Variants in RAB27B observed in about 807,000 individuals in gnomAD.
RAB27B encodes ras-related protein Rab-27B.
Under a neutral mutation model 24.6 loss-of-function variants are expected in RAB27B, and 15 were observed. The observed-to-expected ratio is 0.61, with a 90% CI of 0.41 to 0.94. The LOEUF (loss-of-function observed/expected upper bound fraction) is 0.94, where lower values mean the gene tolerates loss of function less well. Ranked by LOEUF, RAB27B falls within the 40% of genes least tolerant of loss-of-function variation. The pLI, the probability that RAB27B is intolerant of heterozygous loss-of-function variation, is 0.00. For synonymous variants in RAB27B, 105 were observed against 92.5 expected (o/e 1.14, Z -0.78); for missense variants, 261 against 266.8 (o/e 0.98, Z 0.15).
At chr18:54,877,402 G>A (rs770567317) in intron 1 of RAB27B, among the ~76,000 whole-genome samples, 165 bp from the exon 2 acceptor site, 1 of 152,146 alleles carries the variant, frequency 6.6e-6, no homozygotes, top group East Asian at 1.9e-4. Flanking sequence ...AACATTAGAT[G>A]TGCCTTCACC....
intron 1 of RAB27B, among the ~76,000 whole-genome samples, chr18:54,833,234 C>CTTTTTTTTTTT (rs559070445): frequency 4.6e-5 from 6 of 129,518 alleles, no homozygotes; most frequent in Admixed American, 1.7e-4. Flanking sequence ...TTCTTTCTTT[C>CTTTTTTTTTTT]TTTTTTTTTT....
chr18:54,749,169 C>T (rs2145028205), intron 2 of RAB27B, among the ~76,000 whole-genome samples: 1 of 152,204 alleles, frequency 6.6e-6, no homozygotes, highest in African/African-American at 2.4e-5. Context: ...GGCCTTAAGA[C>T]AATCGCATTT....
intron 1 of RAB27B, among the ~76,000 whole-genome samples, chr18:54,863,181 A>G (rs1267291469): frequency 2.0e-5 from 3 of 152,198 alleles, no homozygotes; most frequent in Non-Finnish European, 4.4e-5. Flanking sequence ...TTAAGTATAT[A>G]TGTGATTAAA....
intron 2 of RAB27B, among the ~76,000 whole-genome samples, chr18:54,753,983 T>C (rs1907919513): frequency 6.6e-6 from 1 of 152,232 alleles, no homozygotes; most frequent in African/African-American, 2.4e-5. Context: ...GTTTACAGAA[T>C]GAGGGTTGAA....
intron 2 of RAB27B, among the ~76,000 whole-genome samples, chr18:54,771,947 T>C (rs1908565275): frequency 6.6e-6 from 1 of 152,150 alleles, no homozygotes; most frequent in Admixed American, 6.5e-5. Flanking sequence ...AAATATATCA[T>C]CTCTATTACT....
At chr18:54,810,833 A>AAAGT (rs377467335) in intron 2 of RAB27B, among the ~76,000 whole-genome samples, 3 of 140,182 alleles carry the variant, frequency 2.1e-5, no homozygotes, top group African/African-American at 8.1e-5. Context: ...ACCCTGTCTC[A>AAAGT]AAATAAATAA....
intron 2 of RAB27B, among the ~76,000 whole-genome samples, chr18:54,792,956 C>A (rs1909299399): frequency 6.6e-6 from 1 of 152,144 alleles, no homozygotes; most frequent in South Asian, 2.1e-4. Flanking sequence ...TCTGGCAGAG[C>A]TGGAGTATAG....
intron 1 of RAB27B, among the ~76,000 whole-genome samples, chr18:54,858,054 T>C (rs1307320946): frequency 1.3e-5 from 2 of 152,222 alleles, no homozygotes; most frequent in African/African-American, 4.8e-5. Flanking sequence ...TTTGCTTGAT[T>C]AGGAGGAAGC....
chr18:54,811,399 C>T (rs995357737), intron 2 of RAB27B, among the ~76,000 whole-genome samples: 9 of 152,234 alleles, frequency 5.9e-5, no homozygotes, highest in Admixed American at 3.3e-4. Context: ...CAGTCCGGAA[C>T]GGTGGGACAA....
At chr18:54,874,671 T>C (rs1912620868) in intron 1 of RAB27B, among the ~76,000 whole-genome samples, 1 of 152,174 alleles carries the variant, frequency 6.6e-6, no homozygotes, top group Non-Finnish European at 1.5e-5. Context: ...TCCAATGTCT[T>C]CAATTTCACA....
chr18:54,806,402 C>T (rs904380435), intron 2 of RAB27B, among the ~76,000 whole-genome samples: 84 of 150,172 alleles, frequency 5.6e-4, no homozygotes, highest in African/African-American at 1.9e-3. Context: ...TATCTTTTCA[C>T]TTTGATTTCA....
At chr18:54,740,332 G>C (rs1299737539) in intron 2 of RAB27B, among the ~76,000 whole-genome samples, 1 of 152,164 alleles carries the variant, frequency 6.6e-6, no homozygotes, top group East Asian at 1.9e-4. Context: ...AAGAGTTATA[G>C]AGCCTCAGGG....
chr18:54,873,341 T>G (rs1419535075), intron 1 of RAB27B, among the ~76,000 whole-genome samples: 1 of 152,220 alleles, frequency 6.6e-6, no homozygotes, highest in Admixed American at 6.5e-5. Flanking sequence ...AAAGTCCTCC[T>G]GGTTCTTGTG....
In RAB27B at chr18:54,853,190, G is replaced by A. The variant is rs577135398; in HGVS notation, c.-19-24377G>A. Among the ~76,000 whole-genome samples the A allele has an allele frequency of 2.6e-5, 4 of 152,206 alleles. No homozygotes were observed. The South Asian group carries it at 6.2e-4, about 24-fold the overall frequency. ...GAAAACTGAGGATATGCTGTGTTCC[G>A]AGTAACTTGGCAATGTGTCAGTGAG... On this transcript the variant is annotated intron_variant, in intron 1 of 5. Coordinates refer to ENST00000262094, the MANE Select transcript of RAB27B (RefSeq NM_004163.4).
chr18:54,755,573 C>T (rs1196266175), intron 2 of RAB27B, among the ~76,000 whole-genome samples: 1 of 152,138 alleles, frequency 6.6e-6, no homozygotes, highest in Admixed American at 6.5e-5. Flanking sequence ...GTGATTTCCC[C>T]TTCCAGGCAC....
chr18:54,762,851 A>T (rs566115678), intron 2 of RAB27B, among the ~76,000 whole-genome samples: 1 of 152,296 alleles, frequency 6.6e-6, no homozygotes, highest in South Asian at 2.1e-4. Context: ...TCCAGTTTGC[A>T]GGCTCTGTGG....
chr18:54,747,174 C>G (rs1910278613), intron 2 of RAB27B, among the ~76,000 whole-genome samples: 1 of 152,134 alleles, frequency 6.6e-6, no homozygotes, highest in African/African-American at 2.4e-5. Flanking sequence ...AATCTCCAAT[C>G]CTATATAGCC....
At chr18:54,771,965 A>C (rs1021393124) in intron 2 of RAB27B, among the ~76,000 whole-genome samples, 4 of 152,228 alleles carry the variant, frequency 2.6e-5, no homozygotes, top group Non-Finnish European at 5.9e-5. Context: ...ACTTAATGGA[A>C]TAAAGAGTTT....
At chr18:54,793,913 C>G (rs1162096479) in intron 2 of RAB27B, among the ~76,000 whole-genome samples, 1 of 152,184 alleles carries the variant, frequency 6.6e-6, no homozygotes, top group Non-Finnish European at 1.5e-5. Context: ...ATTCTATTTA[C>G]TGCATCACAA....
Sources: gnomAD v4.1 joint callset for allele counts (sites outside exome capture counted in the v4.1 genomes callset) on GRCh38, gnomAD v4.1.1 for gene constraint, MANE v1.5 for transcripts, NCBI Gene and HGNC (gene_info 2026-07-23, HGNC 2026-07-21) for gene names.